The following ZNF503 variants were observed in gnomAD, a reference collection of about 807,000 sequenced individuals.
The protein encoded by ZNF503 is zinc finger protein 503, also known as NocA-like zinc finger 2.
ZNF503 carries 15 observed loss-of-function variants against 34.4 expected under a neutral mutation model. The observed-to-expected ratio is 0.44, with a 90% confidence interval of 0.29 to 0.67. The LOEUF is 0.67. Among genes scored for constraint, ZNF503 ranks in the 30% least tolerant of loss-of-function variants. The pLI is 0.13. For missense variants in ZNF503, 1,007 were observed against 926.8 expected (o/e 1.09, Z -1.12); for synonymous variants, 580 against 456.8 (o/e 1.27, Z -3.44).
At chr10:75,372,481 G>C in the ZNF503 span, among the ~76,000 whole-genome samples, 1 of 152,192 alleles carries the variant, frequency 6.6e-6, no homozygotes, top group Non-Finnish European at 1.5e-5. Flanking sequence ...CATCAAAACA[G>C]TTCAAAGTAG....
the ZNF503 span, among the ~76,000 whole-genome samples, chr10:75,296,172 G>C: frequency 6.6e-6 from 1 of 152,352 alleles, no homozygotes; most frequent in African/African-American, 2.4e-5. Context: ...TTGTCTCAGG[G>C]AAGAGAATTG....
At chr10:75,374,297 A>G in the ZNF503 span, among the ~76,000 whole-genome samples, 6 of 152,262 alleles carry the variant, frequency 3.9e-5, no homozygotes, top group East Asian at 1.9e-4. Flanking sequence ...GCGAGACTCC[A>G]TCTCCAACAA....
the ZNF503 span, among the ~76,000 whole-genome samples, chr10:75,305,322 A>G: frequency 6.6e-6 from 1 of 152,130 alleles, no homozygotes; most frequent in Non-Finnish European, 1.5e-5. Context: ...GAAGGCCTCT[A>G]CTGTATAAAG....
the ZNF503 span, among the ~76,000 whole-genome samples, chr10:75,341,907 G>T: frequency 6.6e-6 from 1 of 152,126 alleles, no homozygotes; most frequent in Non-Finnish European, 1.5e-5. Context: ...GGATGTTTGG[G>T]GCTGGTCTGG....
the ZNF503 span, among the ~76,000 whole-genome samples, chr10:75,284,292 G>A: frequency 6.6e-5 from 10 of 151,934 alleles, no homozygotes; most frequent in Non-Finnish European, 1.0e-4. Context: ...TTATTCCACG[G>A]AGCCATCTTT....
chr10:75,367,690 T>C, the ZNF503 span, among the ~76,000 whole-genome samples: 7 of 152,220 alleles, frequency 4.6e-5, no homozygotes, highest in South Asian at 1.4e-3. Flanking sequence ...TATAATGTTG[T>C]AGTAAAAGGA....
chr10:75,380,253 G>A, the ZNF503 span, among the ~76,000 whole-genome samples: 1 of 152,316 alleles, frequency 6.6e-6, no homozygotes, highest in African/African-American at 2.4e-5. Flanking sequence ...GAGGTTTAGA[G>A]CGCTTACCAC....
chr10:75,309,245 C>T, the ZNF503 span, among the ~76,000 whole-genome samples: 1 of 152,168 alleles, frequency 6.6e-6, no homozygotes, highest in African/African-American at 2.4e-5. Context: ...ACAAAGCATT[C>T]AGAAAATTTC....
At chr10:75,355,007 T>G in the ZNF503 span, among the ~76,000 whole-genome samples, 1 of 126,358 alleles carries the variant, frequency 7.9e-6, no homozygotes, top group African/African-American at 3.7e-5. Context: ...CCCAGCTAAC[T>G]TTTTTTTTTG....
chr10:75,298,405 G>A, the ZNF503 span, among the ~76,000 whole-genome samples: 1 of 151,980 alleles, frequency 6.6e-6, no homozygotes, highest in Non-Finnish European at 1.5e-5. Flanking sequence ...TGTCTCTATG[G>A]ATTTGCCTAT....
chr10:75,395,294 G>A (rs575585364), downstream of ZNF503, among the ~76,000 whole-genome samples: 1 of 152,256 alleles, frequency 6.6e-6, no homozygotes, highest in African/African-American at 2.4e-5. The surrounding 1 kb of genome is among the most constrained non-coding windows in gnomAD (Gnocchi z 4.4). Flanking sequence ...AGCTGGAGCG[G>A]GTGGAGAAGA....
chr10:75,289,340 C>T, the ZNF503 span, among the ~76,000 whole-genome samples: 5 of 152,176 alleles, frequency 3.3e-5, no homozygotes. Flanking sequence ...TGGGCATGTC[C>T]TGACCATCTT....
In ZNF503 at chr10:75,397,872, A is replaced by T. The variant is rs1488395007; in HGVS notation, c.*877T>A. On this transcript the variant is annotated 3_prime_UTR_variant, in exon 2 of 2. Coordinates refer to ENST00000372524, the MANE Select transcript of ZNF503 (RefSeq NM_032772.6). The stretch of plus-strand genomic sequence containing the variant: ...AATACATCAAATATACGGAATTTTA[A>T]TCTTTAAAGCGATACATTGTCTATT... 1 of 152,710 alleles carries T rather than the reference A, an allele frequency of 6.5e-6. No individual in the cohort carries two copies. The highest frequency in any genetic ancestry group is 1.5e-5 in the Non-Finnish European group (1 of 68,056). The allele number at this position is 152,710 out of a possible 1,614,324, so 9.5% of individuals were successfully genotyped here. A position where few individuals can be genotyped will look rare whatever the true frequency, so the allele number is the denominator to read the frequency against.
At chr10:75,317,983 G>A in the ZNF503 span, among the ~76,000 whole-genome samples, 10 of 152,032 alleles carry the variant, frequency 6.6e-5, no homozygotes, top group Non-Finnish European at 7.4e-5. Flanking sequence ...GCAACAGAGC[G>A]AGACTCTGTC....
chr10:75,334,204 G>A, the ZNF503 span, among the ~76,000 whole-genome samples: 5 of 151,830 alleles, frequency 3.3e-5, no homozygotes, highest in Middle Eastern at 3.4e-3. Flanking sequence ...CCTTGCCCTC[G>A]GGCCCCGCGG....
the ZNF503 span, among the ~76,000 whole-genome samples, chr10:75,323,009 C>A: frequency 6.6e-6 from 1 of 152,312 alleles, no homozygotes; most frequent in South Asian, 2.1e-4. Flanking sequence ...TGTACCTCCA[C>A]CACCAGTCTT....
the ZNF503 span, among the ~76,000 whole-genome samples, chr10:75,314,274 G>A: frequency 6.7e-6 from 1 of 150,084 alleles, no homozygotes; most frequent in Non-Finnish European, 1.5e-5. Context: ...TCAGTGAGAT[G>A]CAAGAGAACA....
chr10:75,321,723 C>T, the ZNF503 span, among the ~76,000 whole-genome samples: 3 of 152,134 alleles, frequency 2.0e-5, no homozygotes, highest in African/African-American at 7.2e-5. Context: ...AATGTCTAAG[C>T]AGTATAGCAT....
At chr10:75,337,729 A>T in the ZNF503 span, among the ~76,000 whole-genome samples, 1 of 152,216 alleles carries the variant, frequency 6.6e-6, no homozygotes, top group African/African-American at 2.4e-5. Flanking sequence ...CACAGGACTG[A>T]TGAAGCAGAA....
Sources: allele counts gnomAD v4.1 joint callset (sites outside exome capture counted in the v4.1 genomes callset), GRCh38; gene constraint gnomAD v4.1.1; non-coding constraint Gnocchi (gnomAD v3.1); transcripts MANE v1.5; gene names NCBI Gene and HGNC (gene_info 2026-07-23, HGNC 2026-07-21).